The following ECD variants were observed in gnomAD, a reference collection of about 807,000 sequenced individuals.
ECD encodes protein ecdysoneless homolog.
A neutral mutation model predicts 77.2 loss-of-function variants in ECD; 59 were observed. That is an observed-to-expected ratio of 0.76 (90% CI 0.62 to 0.95). The LOEUF (loss-of-function observed/expected upper bound fraction) is 0.95, where lower values mean the gene tolerates loss of function less well. Ranked by LOEUF, ECD falls within the 40% of genes least tolerant of loss-of-function variation. The pLI is 0.00. For synonymous variants in ECD, 233 were observed against 267.4 expected (o/e 0.87, Z 1.26); for missense variants, 704 against 763.4 (o/e 0.92, Z 0.92).
intron 1 of ECD, 42 bp from the exon 2 acceptor site, chr10:73,163,992 C>T: frequency 6.5e-7 from 1 of 1,536,892 alleles, no homozygotes; most frequent in South Asian, 1.1e-5. Flanking sequence ...TAGAACAATG[C>T]AGAAGTAACA....
At chr10:73,153,773 C>T (rs1375786916) in intron 6 of ECD, among the ~76,000 whole-genome samples, 2 of 108,872 alleles carry the variant, frequency 1.8e-5, no homozygotes, top group Middle Eastern at 5.7e-3. Context: ...GAAATAGAAA[C>T]ATATGGTCAA....
intron 9 of ECD, among the ~76,000 whole-genome samples, chr10:73,143,832 C>CTTTTTTTTTTTTTTTTTTTTTTTCTTTT (rs541608935): frequency 9.4e-6 from 1 of 106,770 alleles, no homozygotes; most frequent in Non-Finnish European, 1.9e-5. Flanking sequence ...TTATAACTTG[C>CTTTTTTTTTTTTTTTTTTTTTTTCTTTT]TTTTTTTTTT....
At chr10:73,164,972 T>C (rs548018506) in intron 1 of ECD, among the ~76,000 whole-genome samples, 4 of 152,204 alleles carry the variant, frequency 2.6e-5, no homozygotes, top group Non-Finnish European at 5.9e-5. Flanking sequence ...CAGTGGTATG[T>C]GTAATATATT....
At chr10:73,153,663 T>C (rs990588774) in intron 6 of ECD, among the ~76,000 whole-genome samples, 4 of 144,966 alleles carry the variant, frequency 2.8e-5, no homozygotes, top group African/African-American at 7.8e-5. Flanking sequence ...GAAGCAGAGG[T>C]TGCAGTGAGC....
chr10:73,160,155 G>A (rs941552595), intron 3 of ECD, among the ~76,000 whole-genome samples: 3 of 151,328 alleles, frequency 2.0e-5, no homozygotes, highest in South Asian at 2.1e-4. Flanking sequence ...GCGTGGTGGT[G>A]CACGCCTGTA....
In ECD at chr10:73,154,413, G is replaced by T; in HGVS notation, c.626C>A (p.Ala209Glu). 1 of 1,611,490 alleles carries T rather than the reference G, an allele frequency of 6.2e-7. No individual in the cohort carries two copies. Among genetic ancestry groups the T allele is most frequent in the Non-Finnish European group, 8.5e-7 (1 of 1,179,380 alleles). Residue 209 changes from alanine (A) to glutamate (E), a missense_variant, in exon 6 of 14, where the codon GCA (alanine) becomes GAA (glutamate). Ala to Glu is a moderately radical substitution (Grantham distance 107). Coordinates refer to ENST00000372979, the MANE Select transcript of ECD (RefSeq NM_007265.3). ...PEKIQASLHR[A>E]HCFLPAGIVA... ...AATGCCAGCTGGAAGGAAGCAGTGT[G>T]CTCGATGAAGTGAGGCCTGAATTTT... is the stretch of plus-strand genomic sequence containing the variant.
At position 73,160,347 on chromosome 10, in the gene ECD, G is replaced by T. The variant is rs1246998190; in HGVS notation, c.323+87C>A. 1.1e-5 allele frequency: 10 copies of T among 907,284 alleles called. No homozygotes were observed. In the South Asian group the frequency reaches 1.6e-4, roughly 14 times the overall value. The allele number at this position is 907,284 out of a possible 1,614,324, so 56.2% of individuals were successfully genotyped here. A position where few individuals can be genotyped will look rare whatever the true frequency, so the allele number is the denominator to read the frequency against. On this transcript the variant is annotated intron_variant, in intron 3 of 13. Coordinates refer to ENST00000372979, the MANE Select transcript of ECD (RefSeq NM_007265.3). ...GTACAATTTCCAGCAGACTACAGGA[G>T]AAAAATAAATTACTAAATAGATAAA...
At position 73,156,635 on chromosome 10, in the gene ECD, T is replaced by C. The variant is rs752634743; in HGVS notation, c.344A>G (p.Glu115Gly). 1.2e-6 allele frequency: 2 copies of C among 1,613,696 alleles called. No individual in the cohort carries two copies. Among genetic ancestry groups the C allele is most frequent in the East Asian group, 4.5e-5 (2 of 44,878 alleles). Residue 115 changes from glutamate (E) to glycine (G), a missense_variant, in exon 4 of 14, where the codon GAA (glutamate) becomes GGA (glycine). Physicochemically the swap from Glu to Gly is moderately conservative, Grantham distance 98. Coordinates refer to ENST00000372979, the MANE Select transcript of ECD (RefSeq NM_007265.3). ...GTCAGCAGCTTCTATTAACAAGAAT[T>C]CACCATCATTGTCTTCAATCCTAAT... ...LVARIEDNDG[E>G]FLLIEAADFL...
intron 3 of ECD, among the ~76,000 whole-genome samples, chr10:73,159,877 T>C (rs1284980849): frequency 6.6e-6 from 1 of 151,594 alleles, no homozygotes; most frequent in Admixed American, 6.6e-5. Context: ...TGACCTCAAA[T>C]GATCCGCCTG....
chr10:73,134,492 A>G lies in ECD; in HGVS notation c.*91T>C. 2 of 1,259,124 alleles carry G rather than the reference A, an allele frequency of 1.6e-6. No individual in the cohort carries two copies. The highest frequency in any genetic ancestry group is 2.2e-6 in the Non-Finnish European group (2 of 914,236). 78.0% of individuals were successfully genotyped at this position (1,259,124 alleles called of 1,614,324 possible). A position where few individuals can be genotyped will look rare whatever the true frequency, so the allele number is the denominator to read the frequency against. On this transcript the variant is annotated 3_prime_UTR_variant, in exon 14 of 14. Coordinates refer to ENST00000372979, the MANE Select transcript of ECD (RefSeq NM_007265.3). Reference sequence around the variant, plus strand: ...TCTGTAAAACTTGTAATGAAGAAACATTTTTACTAAATGAGTAATCTAAAC... The same window carrying G: ...TCTGTAAAACTTGTAATGAAGAAACGTTTTTACTAAATGAGTAATCTAAAC...
chr10:73,136,587 A>G, intron 13 of ECD, 117 bp downstream of exon 13: 1 of 934,308 alleles, frequency 1.1e-6, no homozygotes, highest in Non-Finnish European at 1.6e-6. Context: ...AAAACAATTA[A>G]CATTCTTATT....
intron 9 of ECD, chr10:73,141,339 TAAAAAAAA>T: frequency 1.1e-5 from 1 of 94,544 alleles, no homozygotes; most frequent in Non-Finnish European, 2.1e-5. Flanking sequence ...CCGTCTCTAC[TAAAAAAAA>T]AAAAAAAAAA....
chr10:73,136,365 T>A (rs923047377), intron 13 of ECD, among the ~76,000 whole-genome samples: 2 of 152,342 alleles, frequency 1.3e-5, no homozygotes, highest in Middle Eastern at 3.4e-3. Context: ...ATGTGCCCTC[T>A]CTTTTTTAAA....
At chr10:73,137,650 C>A (rs1350950114) in intron 12 of ECD, among the ~76,000 whole-genome samples, 3 of 152,018 alleles carry the variant, frequency 2.0e-5, no homozygotes, top group Admixed American at 1.3e-4. Flanking sequence ...GTGGCAGGCG[C>A]CTGTAGTCCC....
chr10:73,167,481 G>A (rs547173772), intron 1 of ECD, among the ~76,000 whole-genome samples: 1 of 152,102 alleles, frequency 6.6e-6, no homozygotes, highest in African/African-American at 2.4e-5. Context: ...GAAAGAAATG[G>A]CGGTGGATGG....
rs770360802 is a variant in ECD at position 73,148,383 on chromosome 10, A to T, written c.934T>A (p.Cys312Ser). 6.2e-7 allele frequency: 1 copy of T among 1,613,916 alleles called. No homozygotes were observed. The highest frequency in any genetic ancestry group is 2.2e-5 in the East Asian group (1 of 44,850). Residue 312 changes from cysteine (C) to serine (S), a missense_variant, in exon 8 of 14, where the codon TGC (cysteine) becomes AGC (serine). Transcript: ENST00000372979. ...GAAAAATGTGGGCTACATTTGGAGC[A>T]TAAGATCTCAAATCCATGAGCCTAG... ...MKLAHGFEIL[C>S]SKCSPHFSDC...
intron 2 of ECD, among the ~76,000 whole-genome samples, chr10:73,163,432 A>G (rs1016723444): frequency 3.3e-5 from 5 of 152,230 alleles, no homozygotes; most frequent in South Asian, 2.1e-4. Context: ...ACTATTTAGT[A>G]TAGATACTTA....
chr10:73,134,907 T>G lies in ECD; in HGVS notation c.1705-94A>C. The G allele has an allele frequency of 2.7e-6, 3 of 1,100,410 alleles. No homozygotes were observed. The South Asian group carries it at 4.5e-5, about 16-fold the overall frequency. 68.2% of individuals were successfully genotyped at this position (1,100,410 alleles called of 1,614,324 possible). A position where few individuals can be genotyped will look rare whatever the true frequency, so the allele number is the denominator to read the frequency against. On this transcript the variant is annotated intron_variant, in intron 13 of 13. Transcript: ENST00000372979. Reference sequence around the variant, plus strand: ...AAGATAACTAAGCCACAATGTAAATTTGCATTCCAAATTAAAAAGGAAACT... The same window carrying G: ...AAGATAACTAAGCCACAATGTAAATGTGCATTCCAAATTAAAAAGGAAACT...
chr10:73,168,075 G>C (rs1398392304), upstream of ECD: 3 of 521,092 alleles, frequency 5.8e-6, no homozygotes, highest in African/African-American at 6.2e-5. Context: ...CGTCACTGCT[G>C]TGCGTCGGCG....
Sources: allele counts gnomAD v4.1 joint callset (sites outside exome capture counted in the v4.1 genomes callset), GRCh38; gene constraint gnomAD v4.1.1; transcripts MANE v1.5; gene names NCBI Gene and HGNC (gene_info 2026-07-23, HGNC 2026-07-21).